The following CNTN3 variants were observed in gnomAD, a reference collection of about 807,000 sequenced individuals.
CNTN3 encodes the protein contactin-3.
Under a neutral mutation model 119.1 loss-of-function variants are expected in CNTN3, and 60 were observed. That is an observed-to-expected ratio of 0.50 (90% confidence interval 0.41 to 0.62). CNTN3 has a LOEUF of 0.62. Among genes scored for constraint, CNTN3 ranks in the 20% least tolerant of loss-of-function variants. The pLI is 0.00. For missense variants in CNTN3, 1,101 were observed against 1,242.4 expected (o/e 0.89, Z 1.71); for synonymous variants, 450 against 438.7 (o/e 1.03, Z -0.32).
chr3:74,355,699 C>T (rs1327733210), intron 11 of CNTN3, among the ~76,000 whole-genome samples: 1 of 152,018 alleles, frequency 6.6e-6, no homozygotes, highest in African/African-American at 2.4e-5. Flanking sequence ...AAATGATCGA[C>T]GTGCCTCGGC....
At position 74,498,148 on chromosome 3, in the gene CNTN3, T is replaced by A. The variant is rs996943055; in HGVS notation, c.182+1511A>T. ...AACAGAAAAACAGCCCACACATGAG[T>A]CATTCACATGGCTGCTTTATCATAT... On this transcript the variant is annotated intron_variant, in intron 3 of 22. Transcript: ENST00000263665. Among the ~76,000 whole-genome samples the A allele has an allele frequency of 5.3e-5, 8 of 151,758 alleles. No individual in the cohort carries two copies. In the East Asian group the frequency reaches 1.4e-3, roughly 26 times the overall value.
chr3:74,306,768 T>G (rs1415576673), intron 13 of CNTN3, among the ~76,000 whole-genome samples: 1 of 152,156 alleles, frequency 6.6e-6, no homozygotes, highest in Non-Finnish European at 1.5e-5. Context: ...TTGAGTTCCT[T>G]TTTCAAAGCA....
chr3:74,331,197 C>T (rs1341583454), intron 13 of CNTN3, among the ~76,000 whole-genome samples: 1 of 152,174 alleles, frequency 6.6e-6, no homozygotes, highest in Non-Finnish European at 1.5e-5. Context: ...ACAGTAAGTG[C>T]CCTATACAGG....
chr3:74,315,213 T>A (rs1702800183), intron 13 of CNTN3, among the ~76,000 whole-genome samples: 1 of 152,180 alleles, frequency 6.6e-6, no homozygotes, highest in African/African-American at 2.4e-5. Context: ...AACCCTAAGT[T>A]CTGAGGAGTT....
intron 1 of CNTN3, among the ~76,000 whole-genome samples, chr3:74,573,288 CTT>C (rs879506429): frequency 9.1e-5 from 13 of 143,300 alleles, no homozygotes; most frequent in Admixed American, 2.1e-4. Context: ...AGAGTGCTTT[CTT>C]TTTTTTTTTT....
At chr3:74,361,171 C>T (rs1704065466) in intron 11 of CNTN3, among the ~76,000 whole-genome samples, 2 of 152,008 alleles carry the variant, frequency 1.3e-5, no homozygotes, top group African/African-American at 4.8e-5. Flanking sequence ...GCAGCAGTAA[C>T]AGCCAATACT....
intron 2 of CNTN3, among the ~76,000 whole-genome samples, chr3:74,511,514 T>C (rs1703362694): frequency 6.6e-6 from 1 of 151,892 alleles, no homozygotes; most frequent in South Asian, 2.1e-4. Context: ...GATAAATAAA[T>C]AAATAAATTA....
chr3:74,564,690 T>G (rs943266595), intron 1 of CNTN3, among the ~76,000 whole-genome samples: 1 of 151,920 alleles, frequency 6.6e-6, no homozygotes, highest in Non-Finnish European at 1.5e-5. Flanking sequence ...GGTCCTGATA[T>G]TCATGATACA....
intron 5 of CNTN3, among the ~76,000 whole-genome samples, chr3:74,418,971 T>A (rs910861761): frequency 6.6e-6 from 1 of 151,050 alleles, no homozygotes; most frequent in African/African-American, 2.4e-5. Flanking sequence ...TTTTTTTTTG[T>A]ATTTTAGTAG....
chr3:74,354,839 T>G (rs1340733748), intron 11 of CNTN3, among the ~76,000 whole-genome samples: 1 of 152,132 alleles, frequency 6.6e-6, no homozygotes, highest in African/African-American at 2.4e-5. Context: ...AATCAATCAC[T>G]AAATCATTAA....
intron 11 of CNTN3, among the ~76,000 whole-genome samples, chr3:74,353,923 C>T (rs1015833545): frequency 6.6e-6 from 1 of 152,006 alleles, no homozygotes; most frequent in South Asian, 2.1e-4. Context: ...CCCAAAAATC[C>T]TTCTGTGTCC....
chr3:74,292,796 C>T (rs1702258870), intron 19 of CNTN3, among the ~76,000 whole-genome samples: 1 of 152,188 alleles, frequency 6.6e-6, no homozygotes, highest in African/African-American at 2.4e-5. Flanking sequence ...GCCACAATCC[C>T]TTACAGCTGT....
intron 20 of CNTN3, among the ~76,000 whole-genome samples, chr3:74,278,799 C>T (rs1454542801): frequency 6.6e-6 from 1 of 152,064 alleles, no homozygotes; most frequent in Non-Finnish European, 1.5e-5. Context: ...GGCAAAGCAA[C>T]AGTCAGCAGA....
intron 4 of CNTN3, among the ~76,000 whole-genome samples, chr3:74,453,036 G>A (rs1361794849): frequency 6.6e-6 from 1 of 151,730 alleles, no homozygotes; most frequent in African/African-American, 2.4e-5. Context: ...CTCATAAAAT[G>A]AGTTAGGGAG....
At chr3:74,509,471 T>C (rs1703324989) in intron 2 of CNTN3, among the ~76,000 whole-genome samples, 1 of 152,178 alleles carries the variant, frequency 6.6e-6, no homozygotes, top group Admixed American at 6.5e-5. Context: ...CTAATTTTTG[T>C]ATTTTTAGTA....
chr3:74,381,523 A>T (rs1449755578), intron 5 of CNTN3, among the ~76,000 whole-genome samples: 1 of 152,200 alleles, frequency 6.6e-6, no homozygotes, highest in African/African-American at 2.4e-5. Context: ...TTCAGGTTCA[A>T]GTCAAATACA....
chr3:74,352,885 C>T (rs570973919), intron 11 of CNTN3, among the ~76,000 whole-genome samples: 1 of 152,232 alleles, frequency 6.6e-6, no homozygotes, highest in South Asian at 2.1e-4. Flanking sequence ...ACTCACTGAG[C>T]TTGCACGCCT....
intron 20 of CNTN3, among the ~76,000 whole-genome samples, chr3:74,284,149 A>T (rs1484732921): frequency 2.6e-5 from 4 of 152,260 alleles, no homozygotes; most frequent in African/African-American, 9.6e-5. Context: ...CTTTAAGTTA[A>T]CCATAAAAAA....
chr3:74,478,501 G>C (rs1159166695), intron 4 of CNTN3, among the ~76,000 whole-genome samples: 1 of 152,086 alleles, frequency 6.6e-6, no homozygotes. Context: ...ATCCCCCAAG[G>C]CCTCTTTTCT....
Sources: gnomAD v4.1 joint callset for allele counts (sites outside exome capture counted in the v4.1 genomes callset) on GRCh38, gnomAD v4.1.1 for gene constraint, MANE v1.5 for transcripts, NCBI Gene and HGNC (gene_info 2026-07-23, HGNC 2026-07-21) for gene names.